CYRIA: variants seen among roughly 807,000 people sequenced by gnomAD.
CYRIA encodes the protein CYFIP-related Rac1 interactor A.
CYRIA carries 15 observed loss-of-function variants against 43.9 expected under a neutral mutation model. That is an observed-to-expected ratio of 0.34 (90% CI 0.23 to 0.53). CYRIA has a LOEUF of 0.53. Among genes scored for constraint, CYRIA ranks in the 20% least tolerant of loss-of-function variants. CYRIA has a pLI of 0.94. For synonymous variants in CYRIA, 117 were observed against 136.0 expected (o/e 0.86, Z 0.97); for missense variants, 236 against 394.2 (o/e 0.60, Z 3.40).
At chr2:16,638,546 A>G (rs1643188) in intron 1 of CYRIA, among the ~76,000 whole-genome samples, 33,685 of 151,834 alleles carry the variant, frequency 0.22, 6,482 homozygotes, top group East Asian at 0.61. Context: ...ACAAGTGACA[A>G]ACCTCCTCAT....
intron 2 of CYRIA, among the ~76,000 whole-genome samples, chr2:16,593,722 T>G (rs1299778414): frequency 8.1e-5 from 11 of 135,336 alleles, no homozygotes; most frequent in East Asian, 4.3e-4. Flanking sequence ...GTGTGTGTTT[T>G]TTTTTTTTTT....
chr2:16,552,953 G>T lies in CYRIA; in HGVS notation c.955C>A (p.Arg319=). The T allele has an allele frequency of 3.7e-6, 6 of 1,608,298 alleles. No individual in the cohort carries two copies. The highest frequency in any genetic ancestry group is 5.1e-6 in the Non-Finnish European group (6 of 1,174,852). The part of the protein sequence containing the change: ...LNDESTSKQI[R]AMLQ Reference sequence around the variant, plus strand: ...GCAGAGCTCTACTGAAGCATTGCTCGAATCTGTTTGGAAGTTGATTCATCG... The same window carrying T: ...GCAGAGCTCTACTGAAGCATTGCTCTAATCTGTTTGGAAGTTGATTCATCG... The change falls in exon 12 of 12, where the codon CGA becomes AGA. Residue 319 remains arginine (R), a synonymous_variant. Coordinates refer to ENST00000381323, the MANE Select transcript of CYRIA (RefSeq NM_030797.4).
intron 3 of CYRIA, among the ~76,000 whole-genome samples, chr2:16,580,652 T>C (rs1453454843): frequency 6.6e-6 from 1 of 152,050 alleles, no homozygotes; most frequent in Non-Finnish European, 1.5e-5. Context: ...AATTAGAAAA[T>C]TTACTTAGAA....
chr2:16,566,763 G>A (rs1666947538), intron 3 of CYRIA, among the ~76,000 whole-genome samples: 1 of 152,158 alleles, frequency 6.6e-6, no homozygotes, highest in Non-Finnish European at 1.5e-5. Flanking sequence ...CATTTCATGG[G>A]AGCTGGTGGG....
intron 5 of CYRIA, among the ~76,000 whole-genome samples, chr2:16,562,882 TG>T (rs200744700): frequency 0.079 from 11,962 of 152,202 alleles, 590 homozygotes; most frequent in African/African-American, 0.13. Flanking sequence ...TGCCTTTACA[TG>T]AGAGTGGCAG....
chr2:16,661,242 T>C (rs999684793), intron 1 of CYRIA, among the ~76,000 whole-genome samples: 1 of 152,072 alleles, frequency 6.6e-6, no homozygotes, highest in Non-Finnish European at 1.5e-5. Flanking sequence ...ACCCCTGCAC[T>C]GTAGCCTGGG....
chr2:16,590,042 G>T (rs1010107851), intron 2 of CYRIA, among the ~76,000 whole-genome samples: 1 of 150,954 alleles, frequency 6.6e-6, no homozygotes, highest in Non-Finnish European at 1.5e-5. Context: ...TCACCTTGAG[G>T]TGTAGGAATA....
intron 10 of CYRIA, among the ~76,000 whole-genome samples, chr2:16,558,570 G>T (rs1291933926): frequency 6.6e-6 from 1 of 152,164 alleles, no homozygotes; most frequent in Non-Finnish European, 1.5e-5. Context: ...TTGGGTTGGT[G>T]CTAGAGGCAA....
At chr2:16,615,785 G>A (rs1042917077) in intron 2 of CYRIA, among the ~76,000 whole-genome samples, 2 of 152,332 alleles carry the variant, frequency 1.3e-5, no homozygotes, top group South Asian at 2.1e-4. Flanking sequence ...ATTACTGAAC[G>A]TTACTGTAAC....
intron 7 of CYRIA, 74 bp from the exon 8 acceptor site, chr2:16,561,351 T>C: frequency 6.8e-7 from 1 of 1,471,202 alleles, no homozygotes; most frequent in Non-Finnish European, 9.5e-7. Context: ...TCTCTGGAAC[T>C]GAATTACAGA....
rs1267661715 is a variant in CYRIA at position 16,551,994 on chromosome 2, A to T, written c.*942T>A. ...AATTCCCCTAGTTTTCTGGTAACTA[A>T]TGCAGTATCCTAGACCTTTGTTCTC... On this transcript the variant is annotated 3_prime_UTR_variant, in exon 12 of 12. Transcript: ENST00000381323. 1 of 152,112 alleles carries T rather than the reference A, an allele frequency of 6.6e-6. No individual in the cohort carries two copies. The highest frequency in any genetic ancestry group is 1.5e-5 in the Non-Finnish European group (1 of 68,014). The allele number at this position is 152,112 out of a possible 1,614,324, so 9.4% of individuals were successfully genotyped here. A position where few individuals can be genotyped will look rare whatever the true frequency, so the allele number is the denominator to read the frequency against.
rs1668450556 is a variant in CYRIA, at chr2:16,607,537, T to A, written c.-11+16327A>T. 2.6e-5 allele frequency among the ~76,000 whole-genome samples: 4 copies of A among 152,224 alleles called. No individual in the cohort carries two copies. The South Asian group carries it at 8.3e-4, about 32-fold the overall frequency. ...TGCTGAAGCTACTCTGATCACTCTG[T>A]ACATAAGCCACACCAGAATATGACA... On this transcript the variant is annotated intron_variant, in intron 2 of 11. Coordinates refer to ENST00000381323, the MANE Select transcript of CYRIA (RefSeq NM_030797.4).
At chr2:16,638,540 GT>G (rs1056209297) in intron 1 of CYRIA, among the ~76,000 whole-genome samples, 1 of 152,138 alleles carries the variant, frequency 6.6e-6, no homozygotes, top group African/African-American at 2.4e-5. Flanking sequence ...AAATGAACAA[GT>G]GACAAACCTC....
intron 1 of CYRIA, among the ~76,000 whole-genome samples, chr2:16,635,207 C>T (rs574678733): frequency 5.8e-4 from 88 of 152,286 alleles, no homozygotes; most frequent in Non-Finnish European, 8.1e-4. Context: ...CATCCTATCA[C>T]GCACAGGAAA....
At position 16,636,116 on chromosome 2, in the gene CYRIA, G is replaced by C. The variant is rs1014403139; in HGVS notation, c.-166-12097C>G. Among the ~76,000 whole-genome samples, 7 of 152,074 alleles carry C rather than the reference G, an allele frequency of 4.6e-5. No homozygotes were observed. In the East Asian group the frequency reaches 1.4e-3, roughly 30 times the overall value. ...GGGGTCTGGAGTCAGCGAAAGTAGG[G>C]GGTGAGGTGTAACCACAGCCGTTGC... is the stretch of plus-strand genomic sequence containing the variant. On this transcript the variant is annotated intron_variant, in intron 1 of 11. Transcript: ENST00000381323.
intron 1 of CYRIA, among the ~76,000 whole-genome samples, chr2:16,634,223 G>A (rs1558436479): frequency 6.6e-6 from 1 of 152,278 alleles, no homozygotes; most frequent in Admixed American, 6.5e-5. Flanking sequence ...ACTAGGAAGG[G>A]GATCACTATT....
chr2:16,579,823 A>G lies in CYRIA; in HGVS notation c.70+8227T>C, dbSNP rs181388671. Among the ~76,000 whole-genome samples the G allele has an allele frequency of 6.9e-3, 1,049 of 152,314 alleles. 9 individuals are homozygous for G. The highest frequency in any genetic ancestry group is 7.6e-3 in the Non-Finnish European group (520 of 68,026). On this transcript the variant is annotated intron_variant, in intron 3 of 11. Coordinates refer to ENST00000381323, the MANE Select transcript of CYRIA (RefSeq NM_030797.4). ...TAACACCAAGATAGACTCAAATATA[A>G]ACATTGATTAATGCAATACAATAAT...
intron 1 of CYRIA, among the ~76,000 whole-genome samples, chr2:16,656,521 G>C (rs1379538254): frequency 6.6e-6 from 1 of 152,196 alleles, no homozygotes; most frequent in Non-Finnish European, 1.5e-5. Context: ...GATCCTGGAA[G>C]TTAAGGTCAC....
At chr2:16,615,727 C>T (rs578200115) in intron 2 of CYRIA, among the ~76,000 whole-genome samples, 1 of 152,358 alleles carries the variant, frequency 6.6e-6, no homozygotes, top group South Asian at 2.1e-4. Context: ...ATCTAGATCG[C>T]TAAATGCAAT....
Sources: gnomAD v4.1 joint callset for allele counts (sites outside exome capture counted in the v4.1 genomes callset) on GRCh38, gnomAD v4.1.1 for gene constraint, MANE v1.5 for transcripts, NCBI Gene and HGNC (gene_info 2026-07-23, HGNC 2026-07-21) for gene names.